Variants in OXCT1 observed in about 807,000 individuals in gnomAD.
The protein encoded by OXCT1 is 3-oxoacid CoA-transferase 1.
OXCT1 carries 27 observed loss-of-function variants against 69.6 expected under a neutral mutation model. The ratio of observed to expected loss-of-function variants is 0.39; its 90% confidence interval spans 0.29 to 0.54. OXCT1 has a LOEUF of 0.54. Among genes scored for constraint, OXCT1 ranks in the 20% least tolerant of loss-of-function variants. OXCT1 has a pLI of 0.72. For synonymous variants in OXCT1, 202 were observed against 217.8 expected, an observed-to-expected ratio of 0.93 and a Z score of 0.64; for missense variants, 437 against 650.2, an observed-to-expected ratio of 0.67 and a Z score of 3.57.
At chr5:41,853,907 G>C (rs904921604) in intron 3 of OXCT1, among the ~76,000 whole-genome samples, 1 of 152,134 alleles carries the variant, frequency 6.6e-6, no homozygotes, top group African/African-American at 2.4e-5. Context: ...GAGTGATTCT[G>C]AGTTAGAAGA....
chr5:41,806,355 C>G (rs566376916), intron 8 of OXCT1, among the ~76,000 whole-genome samples: 1 of 152,010 alleles, frequency 6.6e-6, no homozygotes, highest in Non-Finnish European at 1.5e-5. Flanking sequence ...TGTTGCTGAT[C>G]CCTAGACACT....
At chr5:41,828,755 C>T (rs1275019449) in intron 7 of OXCT1, among the ~76,000 whole-genome samples, 1 of 152,026 alleles carries the variant, frequency 6.6e-6, no homozygotes, top group Non-Finnish European at 1.5e-5. Flanking sequence ...CTATGTTGAT[C>T]CTTTAAGAAA....
intron 13 of OXCT1, among the ~76,000 whole-genome samples, chr5:41,791,679 T>C (rs34873414): frequency 0.18 from 27,881 of 152,216 alleles, 2,763 homozygotes; most frequent in Middle Eastern, 0.29. Flanking sequence ...ACTGAGCAAA[T>C]TGATTTCAAA....
At chr5:41,861,185 A>C in intron 3 of OXCT1, 129 bp downstream of exon 3, 1 of 730,684 alleles carries the variant, frequency 1.4e-6, no homozygotes, top group Non-Finnish European at 2.5e-6. Context: ...CTTGTTAAAC[A>C]CTAGATTTTG....
intron 13 of OXCT1, among the ~76,000 whole-genome samples, chr5:41,778,842 GT>G (rs754455038): frequency 6.6e-6 from 1 of 152,136 alleles, no homozygotes; most frequent in Non-Finnish European, 1.5e-5. Flanking sequence ...GTTTTTATTA[GT>G]TTCTAGATAA....
In OXCT1 at chr5:41,800,872, G is replaced by C. The variant is rs1408088950; in HGVS notation, c.1099+150C>G. 8.4e-5 allele frequency: 61 copies of C among 724,520 alleles called. 2 individuals carry two copies. The South Asian group carries it at 8.9e-4, about 11-fold the overall frequency. 44.9% of individuals were successfully genotyped at this position (724,520 alleles called of 1,614,324 possible). ...TCCTTTATCTTGGTCATTCCTGAAT[G>C]AGGGGAGACCTCAAAAAAGCTTATC... On this transcript the variant is annotated intron_variant, in intron 11 of 16. Coordinates refer to ENST00000196371, the MANE Select transcript of OXCT1 (RefSeq NM_000436.4).
chr5:41,766,646 C>A (rs1188238602), intron 13 of OXCT1, among the ~76,000 whole-genome samples: 1 of 148,380 alleles, frequency 6.7e-6, no homozygotes, highest in African/African-American at 2.5e-5. Context: ...AAGGATTTTA[C>A]AAAAAGGAAA....
rs1210508065 is a variant in OXCT1 at position 41,731,790 on chromosome 5, A to C, written c.1522-20T>G. On this transcript the variant is annotated intron_variant, in intron 16 of 16. Coordinates refer to ENST00000196371, the MANE Select transcript of OXCT1 (RefSeq NM_000436.4). Reference sequence around the variant, plus strand: ...TGAAACCTGGTAAAAGAGGAAAAAAAAATCAAATTATGAAAAACTGCATGA... The same window carrying C: ...TGAAACCTGGTAAAAGAGGAAAAAACAATCAAATTATGAAAAACTGCATGA... The C allele has an allele frequency of 1.1e-5, 17 of 1,602,598 alleles. No individual in the cohort carries two copies. The highest frequency in any genetic ancestry group is 1.4e-5 in the Non-Finnish European group (17 of 1,173,456).
chr5:41,807,506 A>AT, intron 7 of OXCT1, 68 bp from the exon 8 acceptor site: 2 of 861,128 alleles, frequency 2.3e-6, no homozygotes, highest in Non-Finnish European at 3.9e-6. Context: ...TTTTTTAAAA[A>AT]GTATACACAA....
intron 15 of OXCT1, among the ~76,000 whole-genome samples, chr5:41,747,393 G>A (rs1194858167): frequency 6.6e-6 from 1 of 152,030 alleles, no homozygotes; most frequent in Admixed American, 6.6e-5. Flanking sequence ...ATTCAATCCA[G>A]TTTTTCAGCA....
At chr5:41,758,192 T>C (rs942600040) in intron 14 of OXCT1, among the ~76,000 whole-genome samples, 1 of 152,040 alleles carries the variant, frequency 6.6e-6, no homozygotes, top group Non-Finnish European at 1.5e-5. Context: ...AGAGGGACCA[T>C]GGATGCCCTG....
chr5:41,769,084 C>T (rs1313886543), intron 13 of OXCT1, among the ~76,000 whole-genome samples: 1 of 152,142 alleles, frequency 6.6e-6, no homozygotes, highest in East Asian at 1.9e-4. Context: ...GTTCACAGAC[C>T]TCTGTCCCAC....
intron 13 of OXCT1, among the ~76,000 whole-genome samples, chr5:41,764,220 T>A (rs939157894): frequency 2.6e-5 from 4 of 152,152 alleles, no homozygotes; most frequent in Non-Finnish European, 4.4e-5. Context: ...ACACCTGAGA[T>A]CTAGCCTGTT....
At chr5:41,844,277 G>A (rs143347104) in intron 5 of OXCT1, among the ~76,000 whole-genome samples, 1 of 152,230 alleles carries the variant, frequency 6.6e-6, no homozygotes, top group East Asian at 1.9e-4. Context: ...TGAATCTAAT[G>A]AGATTTTCAT....
intron 13 of OXCT1, among the ~76,000 whole-genome samples, chr5:41,780,641 G>A (rs72746932): frequency 0.037 from 5,558 of 152,006 alleles, 145 homozygotes; most frequent in Non-Finnish European, 0.053. Flanking sequence ...AAAATGAATA[G>A]GTATAAGAAA....
In OXCT1 at chr5:41,762,736, C is replaced by T. The variant is rs868860711; in HGVS notation, c.1249-536G>A. On this transcript the variant is annotated intron_variant, in intron 13 of 16. Transcript: ENST00000196371. This position sits in a 1 kb window ranked among gnomAD's most constrained non-coding sequence, Gnocchi z 4.0. ...TTTCTAACACTTGGCATTTATCTTGCGCTTAGAAAAATAAAATAAAAAACA... is the reference window on the plus strand; with the variant it reads ...TTTCTAACACTTGGCATTTATCTTGTGCTTAGAAAAATAAAATAAAAAACA... Among the ~76,000 whole-genome samples, 6 of 152,164 alleles carry T rather than the reference C, an allele frequency of 3.9e-5. No homozygotes were observed. The South Asian group carries it at 6.2e-4, about 16-fold the overall frequency.
intron 4 of OXCT1, among the ~76,000 whole-genome samples, chr5:41,852,043 T>C (rs1022943236): frequency 3.3e-5 from 5 of 152,170 alleles, no homozygotes; most frequent in South Asian, 2.1e-4. Flanking sequence ...AGAGTGAGCA[T>C]GCATGCTCTC....
In OXCT1 at chr5:41,794,994, T is replaced by A. The variant is rs182652699; in HGVS notation, c.1100-245A>T. ...CAGACCACTTTTAGTTTTCTTATTG[T>A]TTGGAAATTCTCTACAGCAGCAGTC... On this transcript the variant is annotated intron_variant, in intron 11 of 16. Coordinates refer to ENST00000196371, the MANE Select transcript of OXCT1 (RefSeq NM_000436.4). Among the ~76,000 whole-genome samples, 52 of 152,330 alleles carry A rather than the reference T, an allele frequency of 3.4e-4. No individual in the cohort carries two copies. The East Asian group carries it at 4.6e-3, about 14-fold the overall frequency.
intron 11 of OXCT1, among the ~76,000 whole-genome samples, chr5:41,798,765 T>C (rs1393860123): frequency 6.6e-6 from 1 of 152,212 alleles, no homozygotes; most frequent in East Asian, 1.9e-4. Flanking sequence ...ATTGGGTTAC[T>C]CTAGGTTAGA....
Sources: gnomAD v4.1 joint callset for allele counts (sites outside exome capture counted in the v4.1 genomes callset) on GRCh38, gnomAD v4.1.1 for gene constraint, Gnocchi (gnomAD v3.1) non-coding constraint, MANE v1.5 for transcripts, NCBI Gene and HGNC (gene_info 2026-07-23, HGNC 2026-07-21) for gene names.